The following GFI1B variants were observed in gnomAD, a reference collection of about 807,000 sequenced individuals.
GFI1B encodes growth factor independent 1B transcriptional repressor.
A neutral mutation model predicts 35.3 loss-of-function variants in GFI1B; 20 were observed. That is an observed-to-expected ratio of 0.57 (90% CI 0.40 to 0.82). The LOEUF is 0.82. Among genes scored for constraint, GFI1B ranks in the 40% least tolerant of loss-of-function variants. The pLI, the probability that GFI1B is intolerant of heterozygous loss-of-function variation, is 0.00. For missense variants in GFI1B, 430 were observed against 446.3 expected (o/e 0.96, Z 0.33); for synonymous variants, 178 against 177.6 (o/e 1.00, Z -0.02).
intron 2 of GFI1B, among the ~76,000 whole-genome samples, chr9:132,973,528 C>T (rs974786458): frequency 1.3e-5 from 2 of 152,160 alleles, no homozygotes; most frequent in African/African-American, 4.8e-5. Context: ...CATGAGTAAC[C>T]GAGCAAGACA....
Position 132,973,305 on chromosome 9 carries a change from C to A in GFI1B, c.-679+559C>A, listed in dbSNP as rs543433974. On this transcript the variant is annotated intron_variant, in intron 2 of 10. Coordinates refer to the GFI1B transcript ENST00000339463. Reference sequence around the variant, plus strand: ...CCCACGACCCCCGCACAGAGCTTCCCCAGCCCACCTGCACCTGCCGGAGCT... The same window carrying A: ...CCCACGACCCCCGCACAGAGCTTCCACAGCCCACCTGCACCTGCCGGAGCT... 2.3e-3 allele frequency among the ~76,000 whole-genome samples: 343 copies of A among 152,354 alleles called. 2 individuals are homozygous for A. Among genetic ancestry groups the A allele is most frequent in the African/African-American group, 7.8e-3 (326 of 41,592 alleles).
chr9:132,973,642 T>C (rs1588420805), intron 2 of GFI1B, among the ~76,000 whole-genome samples: 1 of 152,122 alleles, frequency 6.6e-6, no homozygotes. Context: ...GAGAGCTGGA[T>C]TGAGCTGTGA....
At chr9:132,958,988 C>T (rs1848325084) in intron 1 of GFI1B, among the ~76,000 whole-genome samples, 1 of 152,142 alleles carries the variant, frequency 6.6e-6, no homozygotes, top group African/African-American at 2.4e-5. Flanking sequence ...CTATTGGGAT[C>T]CTGGCTCTGC....
At chr9:132,986,335 C>T (rs1352735843) in intron 1 of GFI1B, among the ~76,000 whole-genome samples, 2 of 152,046 alleles carry the variant, frequency 1.3e-5, no homozygotes, top group African/African-American at 2.4e-5. Flanking sequence ...AGAAGTGTCA[C>T]TCTCTGCTCT....
In GFI1B at chr9:132,989,110, G is replaced by T; in HGVS notation, c.560G>T (p.Ser187Ile). ...GAAGTGCATGTGCGACGCTCCCATA[G>T]TGGGACCCGGCCCTTCGCCTGTGAC... ...GLEVHVRRSH[S>I]GTRPFACDIC... Residue 187 changes from serine to isoleucine, a missense_variant, in exon 5 of 7, where the codon AGT (serine) becomes ATT (isoleucine). Coordinates refer to ENST00000372122, the MANE Select transcript of GFI1B (RefSeq NM_001377304.1). The surrounding 1 kb of genome is among the most constrained non-coding windows in gnomAD (Gnocchi z 6.2). 1 of 1,614,042 alleles carries T rather than the reference G, an allele frequency of 6.2e-7. No individual in the cohort carries two copies. The highest frequency in any genetic ancestry group is 1.6e-4 in the Middle Eastern group (1 of 6,062).
intron 1 of GFI1B, among the ~76,000 whole-genome samples, chr9:132,962,090 A>G (rs1039236637): frequency 2.7e-5 from 4 of 147,890 alleles, no homozygotes; most frequent in Non-Finnish European, 6.0e-5. Flanking sequence ...ACACACACAC[A>G]CAACCCTACA....
At chr9:132,977,707 C>A (rs1848672084), upstream of GFI1B, among the ~76,000 whole-genome samples, 1 of 151,952 alleles carries the variant, frequency 6.6e-6, no homozygotes, top group South Asian at 2.1e-4. Context: ...ATGGGACGCC[C>A]TGCCAAATGG....
Position 132,986,773 on chromosome 9 carries a change from C to G in GFI1B, c.95C>G (p.Thr32Ser), listed in dbSNP as rs1446582350. ...EDEPLWPPAL[T>S]PVPRDQAPSN... is the part of the protein sequence containing the mutation. ...GAACCGCTCTGGCCTCCTGCCCTTA[C>G]CCCGGGTGAGTCAGAGCCCGGGCTG... Residue 32 changes from threonine to serine, a missense_variant, in exon 2 of 7, where the codon ACC becomes AGC. Coordinates refer to ENST00000372122, the MANE Select transcript of GFI1B (RefSeq NM_001377304.1). 1.2e-6 allele frequency: 2 copies of G among 1,606,092 alleles called. No individual in the cohort carries two copies. Among genetic ancestry groups the G allele is most frequent in the Non-Finnish European group, 8.5e-7 (1 of 1,174,774 alleles).
intron 1 of GFI1B, among the ~76,000 whole-genome samples, chr9:132,971,563 A>G (rs1444298471): frequency 6.6e-6 from 1 of 152,222 alleles, no homozygotes; most frequent in Non-Finnish European, 1.5e-5. Flanking sequence ...TGAATTGAAA[A>G]CATTATAAAC....
intron 1 of GFI1B, among the ~76,000 whole-genome samples, chr9:132,957,178 T>C (rs917089846): frequency 2.0e-5 from 3 of 152,240 alleles, no homozygotes; most frequent in Admixed American, 6.5e-5. Flanking sequence ...AATTTCAGGA[T>C]TCAGGCATCT....
chr9:132,979,510 A>G (rs745600196), intron 1 of GFI1B, among the ~76,000 whole-genome samples: 94 of 152,138 alleles, frequency 6.2e-4, no homozygotes, highest in Non-Finnish European at 4.4e-4. Flanking sequence ...AAGTGTTGGG[A>G]TTACAGGCAT....
chr9:132,984,722 G>T (rs920846199), intron 1 of GFI1B, among the ~76,000 whole-genome samples: 6 of 152,192 alleles, frequency 3.9e-5, no homozygotes, highest in African/African-American at 1.4e-4. Context: ...GAGCACTGAG[G>T]CTCAGTGATG....
intron 1 of GFI1B, among the ~76,000 whole-genome samples, chr9:132,963,505 G>A (rs1447999810): frequency 2.6e-5 from 4 of 151,346 alleles, no homozygotes; most frequent in East Asian, 1.9e-4. Context: ...TATTATTATT[G>A]TTATTATTAT....
chr9:132,982,887 A>C lies in GFI1B; in HGVS notation c.-20-3772A>C, dbSNP rs1387842252. Among the ~76,000 whole-genome samples the C allele has an allele frequency of 2.0e-5, 3 of 152,092 alleles. No homozygotes were observed. In the East Asian group the frequency reaches 5.8e-4, roughly 30 times the overall value. On this transcript the variant is annotated intron_variant, in intron 1 of 6. Coordinates refer to ENST00000372122, the MANE Select transcript of GFI1B (RefSeq NM_001377304.1). ...GGGGCTCAGGGGAGATCACTAGAAG[A>C]AGCATGAGAATCACCTTCCTGAGGC...
chr9:132,950,168 G>A (rs1848178998), intron 1 of GFI1B, among the ~76,000 whole-genome samples: 1 of 152,114 alleles, frequency 6.6e-6, no homozygotes, highest in African/African-American at 2.4e-5. Context: ...GCTAGAAGAT[G>A]TTCGCTTCTG....
At chr9:132,961,612 G>A (rs1588411538) in intron 1 of GFI1B, among the ~76,000 whole-genome samples, 1 of 136,410 alleles carries the variant, frequency 7.3e-6, no homozygotes, top group East Asian at 2.1e-4. Flanking sequence ...TTTTTTTTGA[G>A]ACGGAGTCTC....
chr9:132,959,694 T>C (rs1848336761), intron 1 of GFI1B, among the ~76,000 whole-genome samples: 1 of 152,196 alleles, frequency 6.6e-6, no homozygotes, highest in African/African-American at 2.4e-5. Context: ...GTCAGCAGGG[T>C]TGGTTCCCTC....
chr9:132,993,018 G>C (rs544548803), downstream of GFI1B, among the ~76,000 whole-genome samples: 1 of 152,252 alleles, frequency 6.6e-6, no homozygotes. Flanking sequence ...CACAGATATG[G>C]GCCAGGCGCT....
At chr9:132,967,724 T>C (rs189407618) in intron 1 of GFI1B, among the ~76,000 whole-genome samples, 39 of 152,342 alleles carry the variant, frequency 2.6e-4, no homozygotes, top group African/African-American at 7.0e-4. Flanking sequence ...TGTCATGATA[T>C]CTATTATATA....
Sources: allele counts gnomAD v4.1 joint callset (sites outside exome capture counted in the v4.1 genomes callset), GRCh38; gene constraint gnomAD v4.1.1; non-coding constraint Gnocchi (gnomAD v3.1); transcripts MANE v1.5; gene names NCBI Gene and HGNC (gene_info 2026-07-23, HGNC 2026-07-21).